Variants in SPATA6 observed in about 807,000 individuals in gnomAD.
SPATA6 encodes spermatogenesis associated 6.
A neutral mutation model predicts 65.3 loss-of-function variants in SPATA6; 56 were observed. The ratio of observed to expected loss-of-function variants is 0.86; its 90% CI spans 0.69 to 1.07. The LOEUF (loss-of-function observed/expected upper bound fraction) is 1.07. Among genes scored for constraint, SPATA6 ranks in the 50% least tolerant of loss-of-function variants. The probability of loss-of-function intolerance (pLI) is 0.00; values close to 1 mark genes in which losing one functional copy is unlikely to be tolerated. For synonymous variants in SPATA6, 199 were observed against 213.2 expected (o/e 0.93, Z 0.58); for missense variants, 590 against 594.8 (o/e 0.99, Z 0.08).
chr1:48,438,855 G>A (rs1299522120), intron 3 of SPATA6, among the ~76,000 whole-genome samples: 1 of 152,126 alleles, frequency 6.6e-6, no homozygotes, highest in Non-Finnish European at 1.5e-5. Flanking sequence ...CAATCATAAA[G>A]ACATAATTTT....
At chr1:48,429,622 G>A (rs1216543782) in intron 3 of SPATA6, among the ~76,000 whole-genome samples, 1 of 152,064 alleles carries the variant, frequency 6.6e-6, no homozygotes, top group African/African-American at 2.4e-5. Context: ...ATATGCTGCA[G>A]TCAAAGGAAG....
chr1:48,325,982 A>G (rs539549687), intron 11 of SPATA6: 127 of 227,842 alleles, frequency 5.6e-4, no homozygotes, highest in Non-Finnish European at 9.3e-4. Flanking sequence ...AATAAGTAAT[A>G]CTTCTTTTCA....
chr1:48,288,197 T>C, the SPATA6 span, among the ~76,000 whole-genome samples: 4 of 152,360 alleles, frequency 2.6e-5, no homozygotes, highest in Non-Finnish European at 5.9e-5. Context: ...TTGAATTATT[T>C]TGTTACTGTT....
intron 9 of SPATA6, among the ~76,000 whole-genome samples, chr1:48,368,415 G>A (rs138807218): frequency 1.8e-3 from 279 of 152,240 alleles, no homozygotes; most frequent in African/African-American, 6.5e-3. Flanking sequence ...CATTCTCCCC[G>A]TCACTTTCAG....
At position 48,413,115 on chromosome 1, in the gene SPATA6, G is replaced by A; in HGVS notation, c.275C>T (p.Pro92Leu). The change falls in exon 4 of 13, where the codon CCA becomes CTA. Residue 92 changes from proline to leucine, a missense_variant. Coordinates refer to ENST00000371847, the MANE Select transcript of SPATA6 (RefSeq NM_019073.4). ...ATTACATCAATATATATTACCTGGT[G>A]GAACTAGCTGTATCAACTCGAACAC... ...TAVFELIQLV[P>L]PVGETLSTYD... 1 of 1,353,790 alleles carries A rather than the reference G, an allele frequency of 7.4e-7. No homozygotes were observed. Among genetic ancestry groups the A allele is most frequent in the Non-Finnish European group, 9.6e-7 (1 of 1,040,366 alleles). 83.9% of individuals were successfully genotyped at this position (1,353,790 alleles called of 1,614,324 possible). A position where few individuals can be genotyped will look rare whatever the true frequency, so the allele number is the denominator to read the frequency against.
At chr1:48,343,902 A>G (rs1241945683) in intron 11 of SPATA6, among the ~76,000 whole-genome samples, 2 of 152,142 alleles carry the variant, frequency 1.3e-5, no homozygotes, top group Non-Finnish European at 2.9e-5. Context: ...AGGAAAGAAA[A>G]TCCCCAGTTA....
intron 3 of SPATA6, among the ~76,000 whole-genome samples, chr1:48,430,884 T>G (rs183840017): frequency 6.6e-6 from 1 of 152,138 alleles, no homozygotes; most frequent in Admixed American, 6.5e-5. Flanking sequence ...TTGTAAGGCA[T>G]ATAGAAAACC....
intron 11 of SPATA6, among the ~76,000 whole-genome samples, chr1:48,310,972 A>G (rs1645192225): frequency 6.6e-6 from 1 of 152,212 alleles, no homozygotes; most frequent in Non-Finnish European, 1.5e-5. Flanking sequence ...ATACTACTAA[A>G]TGATCAGTAG....
At chr1:48,272,774 G>T in the SPATA6 span, among the ~76,000 whole-genome samples, 2 of 152,028 alleles carry the variant, frequency 1.3e-5, no homozygotes, top group South Asian at 4.2e-4. Flanking sequence ...TTTCCATAAC[G>T]GCTATGGAAA....
the SPATA6 span, among the ~76,000 whole-genome samples, chr1:48,272,498 T>G: frequency 1.3e-5 from 2 of 152,142 alleles, no homozygotes; most frequent in African/African-American, 4.8e-5. Flanking sequence ...ATCCATGTAG[T>G]CACAAATGGC....
At chr1:48,321,526 C>G (rs910423847) in intron 11 of SPATA6, among the ~76,000 whole-genome samples, 4 of 151,996 alleles carry the variant, frequency 2.6e-5, no homozygotes, top group African/African-American at 9.7e-5. Flanking sequence ...ATATATAAAG[C>G]AAATATTATT....
chr1:48,438,622 C>T (rs1175118924), intron 3 of SPATA6, among the ~76,000 whole-genome samples: 1 of 152,152 alleles, frequency 6.6e-6, no homozygotes, highest in African/African-American at 2.4e-5. Context: ...CTCAAAGTTA[C>T]ATCACCCAAG....
chr1:48,387,839 G>GAC (rs1649640983), intron 8 of SPATA6, among the ~76,000 whole-genome samples: 2 of 152,150 alleles, frequency 1.3e-5, no homozygotes, highest in Non-Finnish European at 2.9e-5. Context: ...CTGGGGACTG[G>GAC]CACACCTAGA....
chr1:48,313,417 A>G (rs1265259196), intron 11 of SPATA6, among the ~76,000 whole-genome samples: 1 of 152,172 alleles, frequency 6.6e-6, no homozygotes, highest in Non-Finnish European at 1.5e-5. Context: ...AGAATTTTCA[A>G]CCCAGAATTT....
intron 8 of SPATA6, among the ~76,000 whole-genome samples, chr1:48,391,887 A>C (rs1650109151): frequency 6.6e-6 from 1 of 152,108 alleles, no homozygotes; most frequent in South Asian, 2.1e-4. Flanking sequence ...ATCATTTAGA[A>C]ACGTAGGAAG....
intron 3 of SPATA6, chr1:48,436,131 T>C: frequency 6.2e-7 from 1 of 1,610,272 alleles, no homozygotes; most frequent in Non-Finnish European, 8.5e-7. Context: ...CCACCAACGT[T>C]TCTCACTACG....
chr1:48,355,847 G>C, intron 10 of SPATA6, 78 bp from the exon 11 acceptor site: 1 of 1,121,396 alleles, frequency 8.9e-7, no homozygotes, highest in Middle Eastern at 2.6e-4. Context: ...AGTTTTCACA[G>C]TATGTTCAAC....
chr1:48,385,161 C>A, intron 9 of SPATA6, 148 bp downstream of exon 9: 2 of 764,636 alleles, frequency 2.6e-6, no homozygotes, highest in African/African-American at 1.8e-5. Context: ...ACAAAGTAAC[C>A]AAAATAACAT....
the SPATA6 span, among the ~76,000 whole-genome samples, chr1:48,272,028 T>G: frequency 4.6e-5 from 7 of 152,132 alleles, no homozygotes; most frequent in Non-Finnish European, 1.0e-4. Flanking sequence ...ATGCACTTTC[T>G]TGAAAATCTC....
Sources: allele counts gnomAD v4.1 joint callset (sites outside exome capture counted in the v4.1 genomes callset), GRCh38; gene constraint gnomAD v4.1.1; transcripts MANE v1.5; gene names NCBI Gene and HGNC (gene_info 2026-07-23, HGNC 2026-07-21).